Variants in DOCK1 observed in about 807,000 individuals in gnomAD.
The protein encoded by DOCK1 is dedicator of cytokinesis 1, also known as dedicator of cytokinesis protein 1.
DOCK1 carries 138 observed loss-of-function variants against 262.7 expected under a neutral mutation model. That is an observed-to-expected ratio of 0.53 (90% CI 0.46 to 0.61). The LOEUF (loss-of-function observed/expected upper bound fraction) is 0.61, where lower values mean the gene tolerates loss of function less well. Among genes scored for constraint, DOCK1 ranks in the 20% least tolerant of loss-of-function variants. The pLI is 0.00. For synonymous variants in DOCK1, 866 were observed against 867.4 expected (o/e 1.00, Z 0.03); for missense variants, 1,908 against 2,370.7 (o/e 0.80, Z 4.05).
At chr10:126,997,282 T>C (rs2040269774) in intron 7 of DOCK1, among the ~76,000 whole-genome samples, 1 of 152,232 alleles carries the variant, frequency 6.6e-6, no homozygotes, top group South Asian at 2.1e-4. Flanking sequence ...GTATCATGTA[T>C]GCATTAGCCT....
chr10:127,256,511 G>C (rs1250383158), intron 28 of DOCK1, among the ~76,000 whole-genome samples: 1 of 152,158 alleles, frequency 6.6e-6, no homozygotes, highest in East Asian at 1.9e-4. Context: ...GGGGCTACCA[G>C]GGATGTGTGC....
intron 27 of DOCK1, among the ~76,000 whole-genome samples, chr10:127,157,249 A>G (rs1332263461): frequency 6.6e-6 from 1 of 152,216 alleles, no homozygotes; most frequent in African/African-American, 2.4e-5. Context: ...CCAGGGTTGG[A>G]TGTTGCAAAC....
rs150790785 is a variant in DOCK1 at position 127,026,380 on chromosome 10, G to T, written c.1580G>T (p.Arg527Leu). The T allele has an allele frequency of 1.9e-6, 3 of 1,575,034 alleles. No individual in the cohort carries two copies. Among genetic ancestry groups the T allele is most frequent in the Admixed American group, 1.8e-5 (1 of 54,646 alleles). Residue 527 changes from arginine to leucine, a missense_variant, in exon 16 of 52, where the codon CGC becomes CTC. By Grantham distance (102) the Arg-to-Leu change is moderately radical (BLOSUM62 -2). This residue lies in a region of DOCK1 where 294 missense variants were observed against 439.9 expected (regional missense o/e 0.67). Coordinates refer to ENST00000623213, the MANE Select transcript of DOCK1 (RefSeq NM_001290223.2). ...GCCATTCCCATCGAGGACGTTAACC[G>T]CAGTCACCTTCGGTTTACCTTCCGC... ...KVAIPIEDVN[R>L]SHLRFTFRHR...
chr10:127,002,808 G>A (rs971743757), intron 10 of DOCK1, among the ~76,000 whole-genome samples: 1 of 152,176 alleles, frequency 6.6e-6, no homozygotes, highest in African/African-American at 2.4e-5. Context: ...TTGGTCCCTG[G>A]TTCCTCCTGT....
intron 27 of DOCK1, among the ~76,000 whole-genome samples, chr10:127,195,606 C>G (rs531265768): frequency 6.6e-6 from 1 of 152,122 alleles, no homozygotes; most frequent in Admixed American, 6.5e-5. Context: ...CGAAACCTTC[C>G]GGGGAGACGG....
intron 2 of DOCK1, among the ~76,000 whole-genome samples, chr10:126,974,757 A>G (rs2038388004): frequency 6.6e-6 from 1 of 151,964 alleles, no homozygotes; most frequent in East Asian, 1.9e-4. Flanking sequence ...CCAGTTTCTG[A>G]GCTCATGGAG....
intron 23 of DOCK1, among the ~76,000 whole-genome samples, chr10:127,069,073 C>T (rs111756137): frequency 2.4e-3 from 364 of 152,312 alleles, no homozygotes; most frequent in African/African-American, 8.4e-3. Context: ...CTCTAAAGTC[C>T]GATGAAAGTC....
At chr10:127,429,854 A>C (rs943208) in intron 47 of DOCK1, among the ~76,000 whole-genome samples, 6 of 151,484 alleles carry the variant, frequency 4.0e-5, no homozygotes, top group Non-Finnish European at 8.8e-5. Context: ...TGCCCTCACC[A>C]GCCCACAGCG....
chr10:127,210,846 A>G (rs559753188), intron 27 of DOCK1, among the ~76,000 whole-genome samples: 1 of 152,356 alleles, frequency 6.6e-6, no homozygotes, highest in Non-Finnish European at 1.5e-5. Flanking sequence ...AAAGAGAAAA[A>G]TAAAAACTCA....
intron 27 of DOCK1, among the ~76,000 whole-genome samples, chr10:127,165,193 T>G (rs971001163): frequency 6.6e-6 from 1 of 152,244 alleles, no homozygotes; most frequent in African/African-American, 2.4e-5. Context: ...TGATGGTAAA[T>G]ATCCACAGAG....
chr10:127,126,817 T>G (rs1353858671), intron 26 of DOCK1, among the ~76,000 whole-genome samples: 1 of 152,138 alleles, frequency 6.6e-6, no homozygotes, highest in Non-Finnish European at 1.5e-5. Flanking sequence ...TGAAAATCCC[T>G]CCTAGTCACC....
At chr10:127,099,292 A>G (rs538453296) in intron 23 of DOCK1, among the ~76,000 whole-genome samples, 75 of 152,326 alleles carry the variant, frequency 4.9e-4, no homozygotes, top group African/African-American at 1.8e-3. Context: ...AAGCAGACTG[A>G]AATAGTCTCT....
chr10:127,146,499 A>C (rs2051866247), intron 27 of DOCK1, among the ~76,000 whole-genome samples: 1 of 152,218 alleles, frequency 6.6e-6, no homozygotes, highest in South Asian at 2.1e-4. Flanking sequence ...AAGAATTTAG[A>C]GATCTGTCAG....
chr10:127,286,541 AC>A lies in DOCK1; in HGVS notation c.3044+29114del, dbSNP rs563419402. 3.2e-3 allele frequency among the ~76,000 whole-genome samples: 492 copies of A among 152,270 alleles called. 1 individual carries two copies. The highest frequency in any genetic ancestry group is 0.01 in the African/African-American group (425 of 41,558). Reference sequence around the variant, plus strand: ...TAGTATATACTACAGCTCTGTTTTAACCATCGTTCACCTTTACCACTGTCAA... The same window carrying A: ...TAGTATATACTACAGCTCTGTTTTAACATCGTTCACCTTTACCACTGTCAA... On this transcript the variant is annotated intron_variant, in intron 29 of 51. Transcript: ENST00000623213.
intron 16 of DOCK1, among the ~76,000 whole-genome samples, chr10:127,029,763 C>T (rs1000327971): frequency 6.6e-6 from 1 of 152,176 alleles, no homozygotes; most frequent in Non-Finnish European, 1.5e-5. Context: ...AAAAGGTGCA[C>T]TTACTGTACT....
intron 21 of DOCK1, among the ~76,000 whole-genome samples, chr10:127,047,116 T>C (rs1012580905): frequency 2.6e-5 from 4 of 152,176 alleles, no homozygotes; most frequent in Admixed American, 6.5e-5. Context: ...GCTCAGTACA[T>C]TAAAAAATGA....
intron 38 of DOCK1, among the ~76,000 whole-genome samples, chr10:127,386,777 G>A (rs1001408230): frequency 6.6e-6 from 1 of 152,006 alleles, no homozygotes; most frequent in Admixed American, 6.6e-5. Flanking sequence ...CCCCCACCCC[G>A]GTCCATGGAA....
chr10:126,993,785 A>G (rs2039977470), intron 6 of DOCK1, among the ~76,000 whole-genome samples: 1 of 152,192 alleles, frequency 6.6e-6, no homozygotes, highest in Non-Finnish European at 1.5e-5. Context: ...TATTAAAAGG[A>G]AAAAATCAGT....
chr10:127,025,762 C>T (rs945188557), intron 15 of DOCK1, among the ~76,000 whole-genome samples: 4 of 151,960 alleles, frequency 2.6e-5, no homozygotes, highest in Non-Finnish European at 4.4e-5. Flanking sequence ...AAAACAGCAA[C>T]GTTTAAAAGT....
Sources: allele counts gnomAD v4.1 joint callset (sites outside exome capture counted in the v4.1 genomes callset), GRCh38; gene constraint gnomAD v4.1.1; regional missense constraint gnomAD v4.1.1; transcripts MANE v1.5; gene names NCBI Gene and HGNC (gene_info 2026-07-23, HGNC 2026-07-21).